CLASP1: variants seen among roughly 807,000 people sequenced by gnomAD.
CLASP1 encodes the protein CLIP-associating protein 1.
Under a neutral mutation model 192.3 loss-of-function variants are expected in CLASP1, and 38 were observed. The ratio of observed to expected loss-of-function variants is 0.20; its 90% CI spans 0.15 to 0.26. CLASP1 has a LOEUF of 0.26. Among genes scored for constraint, CLASP1 ranks in the 10% least tolerant of loss-of-function variants. The probability of loss-of-function intolerance (pLI) is 1.00; values close to 1 mark genes in which losing one functional copy is unlikely to be tolerated. For missense variants in CLASP1, 1,433 were observed against 1,932.5 expected (o/e 0.74, Z 4.85); for synonymous variants, 691 against 712.8 (o/e 0.97, Z 0.49).
chr2:121,583,082 AGCCAAAGGTGTTTCACTTATTCATCTGC>A (rs1426881473), intron 2 of CLASP1, among the ~76,000 whole-genome samples: 1 of 152,116 alleles, frequency 6.6e-6, no homozygotes, highest in Non-Finnish European at 1.5e-5. Flanking sequence ...CACCGTGCCC[AGCCAAAGGTGTTTCACTTATTCATCTGC>A]GAATACCAAG....
intron 7 of CLASP1, among the ~76,000 whole-genome samples, chr2:121,505,751 T>C (rs2150275509): frequency 6.6e-6 from 1 of 152,346 alleles, no homozygotes; most frequent in African/African-American, 2.4e-5. Flanking sequence ...ACAACCACCA[T>C]CTTCCTCTAT....
At chr2:121,367,448 G>T (rs1162524931) in intron 35 of CLASP1, 140 bp downstream of exon 36, 1 of 1,116,044 alleles carries the variant, frequency 9.0e-7, no homozygotes. Flanking sequence ...GTTAAGTAGT[G>T]CCTGAACAAA....
At chr2:121,462,057 G>C (rs2088115421) in intron 10 of CLASP1, among the ~76,000 whole-genome samples, 1 of 152,036 alleles carries the variant, frequency 6.6e-6, no homozygotes, top group African/African-American at 2.4e-5. Flanking sequence ...AAGGCACAAA[G>C]CAGTCAAACT....
chr2:121,396,628 G>A (rs1404264598), intron 30 of CLASP1, among the ~76,000 whole-genome samples: 1 of 152,174 alleles, frequency 6.6e-6, no homozygotes, highest in Non-Finnish European at 1.5e-5. Context: ...TATAGAATAA[G>A]TTTCAGCCCG....
intron 37 of CLASP1, among the ~76,000 whole-genome samples, chr2:121,362,596 G>A (rs1391829523): frequency 6.6e-6 from 1 of 152,260 alleles, no homozygotes; most frequent in Non-Finnish European, 1.5e-5. Flanking sequence ...GGCTGGGAGG[G>A]AGGAAGGTCA....
At chr2:121,378,987 G>T (rs1056083324) in intron 33 of CLASP1, among the ~76,000 whole-genome samples, 6 of 134,938 alleles carry the variant, frequency 4.4e-5, no homozygotes, top group Non-Finnish European at 7.7e-5. Flanking sequence ...AAAAAAAAAA[G>T]TTGGGGCAGA....
At chr2:121,631,961 T>C (rs1041760810) in intron 1 of CLASP1, among the ~76,000 whole-genome samples, 2 of 151,942 alleles carry the variant, frequency 1.3e-5, no homozygotes, top group Non-Finnish European at 2.9e-5. Flanking sequence ...GTGGGAGAAC[T>C]GCTTGAACCC....
At chr2:121,351,163 G>A (rs2064315055) in intron 37 of CLASP1, among the ~76,000 whole-genome samples, 1 of 152,138 alleles carries the variant, frequency 6.6e-6, no homozygotes, top group Non-Finnish European at 1.5e-5. Flanking sequence ...CATCATGACT[G>A]TTCCTGCTGA....
At chr2:121,603,884 A>G (rs1478164125) in intron 2 of CLASP1, among the ~76,000 whole-genome samples, 1 of 152,236 alleles carries the variant, frequency 6.6e-6, no homozygotes, top group Non-Finnish European at 1.5e-5. Context: ...TCATAAGTAA[A>G]AAGTAGAAGA....
intron 30 of CLASP1, among the ~76,000 whole-genome samples, chr2:121,391,778 C>A (rs1236458989): frequency 6.6e-6 from 1 of 152,086 alleles, no homozygotes; most frequent in East Asian, 1.9e-4. Flanking sequence ...GTGGCATGTG[C>A]CTGTAATCCC....
intron 1 of CLASP1, among the ~76,000 whole-genome samples, chr2:121,635,182 A>C (rs71424394): frequency 0.23 from 34,145 of 150,054 alleles, 5,847 homozygotes; most frequent in African/African-American, 0.48. Flanking sequence ...GCACTCCAAC[A>C]CGGGCAACAA....
intron 6 of CLASP1, among the ~76,000 whole-genome samples, chr2:121,517,857 G>GTTTTTTT (rs1559495604): frequency 4.9e-5 from 3 of 60,656 alleles, no homozygotes; most frequent in African/African-American, 3.6e-4. Context: ...CAAGACTCAA[G>GTTTTTTT]CTTTTTTTTT....
At chr2:121,480,648 A>G (rs1410621930) in intron 8 of CLASP1, among the ~76,000 whole-genome samples, 2 of 152,148 alleles carry the variant, frequency 1.3e-5, no homozygotes, top group Non-Finnish European at 2.9e-5. Flanking sequence ...GTGAAAAAGG[A>G]TGATCCTGTC....
chr2:121,483,654 G>T (rs2092779633), intron 8 of CLASP1, among the ~76,000 whole-genome samples: 2 of 150,536 alleles, frequency 1.3e-5, no homozygotes, highest in African/African-American at 2.4e-5. Flanking sequence ...CTGTTTTTTT[G>T]GTGCAATGTT....
chr2:121,358,325 C>A (rs2065785907), intron 37 of CLASP1, among the ~76,000 whole-genome samples: 1 of 152,170 alleles, frequency 6.6e-6, no homozygotes, highest in Non-Finnish European at 1.5e-5. Context: ...CAGATAATCA[C>A]CTAGTCCACT....
intron 7 of CLASP1, among the ~76,000 whole-genome samples, chr2:121,510,527 T>C (rs2094099553): frequency 6.6e-6 from 1 of 151,860 alleles, no homozygotes; most frequent in South Asian, 2.1e-4. Context: ...CCCTAACAAG[T>C]AGAGAAATTG....
rs558667045 is a variant in CLASP1 at position 121,530,993 on chromosome 2, G to C, written c.196-668C>G. ...ACTAGAGCTTTTGCTTTATTTTGGT[G>C]CAATTTTTGGAAAAATGAAAACCTG... is the stretch of plus-strand genomic sequence containing the variant. On this transcript the variant is annotated intron_variant, in intron 2 of 39. Coordinates refer to ENST00000263710, the Ensembl canonical transcript of CLASP1. 4.3e-6 allele frequency: 3 copies of C among 700,232 alleles called. No homozygotes were observed. Among genetic ancestry groups the C allele is most frequent in the South Asian group, 3.0e-5 (2 of 67,500 alleles). The allele number at this position is 700,232 out of a possible 1,614,324, so 43.4% of individuals were successfully genotyped here. A position where few individuals can be genotyped will look rare whatever the true frequency, so the allele number is the denominator to read the frequency against.
intron 8 of CLASP1, among the ~76,000 whole-genome samples, chr2:121,472,172 T>C (rs2090867590): frequency 6.6e-6 from 1 of 152,238 alleles, no homozygotes; most frequent in African/African-American, 2.4e-5. Context: ...ATGTAAATTA[T>C]GTTTAGTTCA....
At chr2:121,404,306 G>A in intron 26 of CLASP1, 65 bp downstream of exon 27, 2 of 1,580,924 alleles carry the variant, frequency 1.3e-6, no homozygotes, top group African/African-American at 2.7e-5. Flanking sequence ...TTCTTGGGTA[G>A]TATATCACAC....
Sources: gnomAD v4.1 joint callset for allele counts (sites outside exome capture counted in the v4.1 genomes callset) on GRCh38, gnomAD v4.1.1 for gene constraint, MANE v1.5 for transcripts, NCBI Gene and HGNC (gene_info 2026-07-23, HGNC 2026-07-21) for gene names.